STK32C: variants seen among roughly 807,000 people sequenced by gnomAD.
The protein encoded by STK32C is serine/threonine-protein kinase 32C.
STK32C carries 31 observed loss-of-function variants against 56.5 expected under a neutral mutation model. The ratio of observed to expected loss-of-function variants is 0.55; its 90% CI spans 0.41 to 0.74. STK32C has a LOEUF of 0.74. Ranked by LOEUF, STK32C falls within the 30% of genes least tolerant of loss-of-function variation. STK32C has a pLI of 0.00. For synonymous variants in STK32C, 309 were observed against 289.4 expected (o/e 1.07, Z -0.69); for missense variants, 544 against 676.9 (o/e 0.80, Z 2.18).
At chr10:132,212,897 A>T (rs1051994532) in intron 10 of STK32C, among the ~76,000 whole-genome samples, 5 of 152,220 alleles carry the variant, frequency 3.3e-5, no homozygotes, top group Admixed American at 3.3e-4. Flanking sequence ...CAGGTGAGCA[A>T]AGTCACAGCT....
chr10:132,304,947 G>A (rs1023905402), intron 1 of STK32C, among the ~76,000 whole-genome samples: 3 of 152,214 alleles, frequency 2.0e-5, no homozygotes, highest in South Asian at 2.1e-4. Context: ...ACCCCGAGAC[G>A]GGCGAGCGCC....
chr10:132,233,807 T>C (rs369002900), intron 2 of STK32C, among the ~76,000 whole-genome samples: 67 of 152,334 alleles, frequency 4.4e-4, no homozygotes, highest in African/African-American at 1.3e-3. Context: ...CTAAAGCCCT[T>C]GTTTAGTCAG....
intron 10 of STK32C, chr10:132,209,477 A>C: frequency 2.5e-6 from 1 of 398,564 alleles, no homozygotes; most frequent in Non-Finnish European, 4.9e-6. Flanking sequence ...CAGCACACAC[A>C]CACCTGTCCC....
chr10:132,252,832 G>C (rs1590273795), intron 1 of STK32C, among the ~76,000 whole-genome samples: 1 of 152,328 alleles, frequency 6.6e-6, no homozygotes, highest in East Asian at 1.9e-4. Flanking sequence ...GGTCCTATGA[G>C]AGTCGCCATC....
chr10:132,212,918 G>A (rs1263669050), intron 10 of STK32C, among the ~76,000 whole-genome samples: 1 of 152,270 alleles, frequency 6.6e-6, no homozygotes, highest in Non-Finnish European at 1.5e-5. Context: ...GAGACCTGCT[G>A]GCCTGGAGCA....
chr10:132,241,103 G>A (rs561856229), intron 2 of STK32C, among the ~76,000 whole-genome samples: 1 of 152,276 alleles, frequency 6.6e-6, no homozygotes, highest in Admixed American at 6.5e-5. Context: ...GTTAAGTGAG[G>A]GCCTGGCTGT....
intron 2 of STK32C, among the ~76,000 whole-genome samples, chr10:132,242,663 G>A (rs754383225): frequency 1.3e-5 from 2 of 151,794 alleles, no homozygotes; most frequent in East Asian, 1.9e-4. Context: ...GGCCCCCCGC[G>A]CCCCCTTCTC....
intron 1 of STK32C, among the ~76,000 whole-genome samples, chr10:132,279,700 G>A (rs374814548): frequency 1.5e-4 from 22 of 149,256 alleles, no homozygotes; most frequent in Admixed American, 7.3e-4. Context: ...ACTCCACTCC[G>A]TGATCACGAC....
chr10:132,271,789 T>C lies in STK32C; in HGVS notation c.263-25834A>G, dbSNP rs554622613. Among the ~76,000 whole-genome samples, 206 of 152,222 alleles carry C rather than the reference T, an allele frequency of 1.4e-3. 1 individual carries two copies. The highest frequency in any genetic ancestry group is 4.5e-3 in the African/African-American group (187 of 41,558). ...ACACCTACAGAACAAAATTTCCAGG[T>C]GTGGGTGGGGATCTGGAGTCTGAGT... On this transcript the variant is annotated intron_variant, in intron 1 of 11. Coordinates refer to ENST00000298630, the MANE Select transcript of STK32C (RefSeq NM_173575.4).
At chr10:132,234,588 G>A (rs1415177998) in intron 2 of STK32C, among the ~76,000 whole-genome samples, 1 of 152,230 alleles carries the variant, frequency 6.6e-6, no homozygotes, top group Non-Finnish European at 1.5e-5. Context: ...CCTGTGCTCT[G>A]TATGGCCCCT....
intron 1 of STK32C, among the ~76,000 whole-genome samples, chr10:132,302,332 C>T (rs927339703): frequency 4.6e-5 from 7 of 152,360 alleles, no homozygotes; most frequent in East Asian, 1.9e-4. Flanking sequence ...TGGATAGACA[C>T]GCAGAGCTGA....
At chr10:132,229,505 T>C (rs2063019890) in intron 2 of STK32C, among the ~76,000 whole-genome samples, 1 of 152,168 alleles carries the variant, frequency 6.6e-6, no homozygotes, top group Non-Finnish European at 1.5e-5. Context: ...CTAAAAAAAT[T>C]AAGTCAGATG....
chr10:132,329,219 A>T (rs1281103673), intron 1 of STK32C, among the ~76,000 whole-genome samples: 1 of 152,246 alleles, frequency 6.6e-6, no homozygotes, highest in Non-Finnish European at 1.5e-5. Flanking sequence ...GTTCGAGACC[A>T]GCCTGGGCAA....
upstream of STK32C, among the ~76,000 whole-genome samples, chr10:132,312,684 A>G (rs957289751): frequency 5.9e-5 from 9 of 152,242 alleles, no homozygotes; most frequent in Non-Finnish European, 1.2e-4. Flanking sequence ...AATTAAAACC[A>G]TAAGCCCCCA....
rs1344241587 is a variant in STK32C at position 132,249,192 on chromosome 10, AG to A, written c.263-3238del. ...GGGGCTATGGGGGTCAGGGCGTGTC[AG>A]GGGCGGGGCCGTGGGGTTGCGGGAG... On this transcript the variant is annotated intron_variant, in intron 1 of 11. Coordinates refer to ENST00000298630, the MANE Select transcript of STK32C (RefSeq NM_173575.4). 23 of 80,950 alleles carry A rather than the reference AG, an allele frequency of 2.8e-4. No homozygotes were observed. In the East Asian group the frequency reaches 0.01, roughly 37 times the overall value. The allele number at this position is 80,950 out of a possible 1,614,324, so 5.0% of individuals were successfully genotyped here.
intron 1 of STK32C, among the ~76,000 whole-genome samples, chr10:132,301,402 C>G (rs574122919): frequency 6.6e-6 from 1 of 152,376 alleles, no homozygotes; most frequent in African/African-American, 2.4e-5. Flanking sequence ...GTCTGGGAAG[C>G]TGCTCTGAGT....
At position 132,269,857 on chromosome 10, in the gene STK32C, G is replaced by A. The variant is rs118119876; in HGVS notation, c.263-23902C>T. Among the ~76,000 whole-genome samples the A allele has an allele frequency of 1.9e-4, 29 of 152,344 alleles. 1 individual carries two copies. The East Asian group carries it at 5.6e-3, about 29-fold the overall frequency. On this transcript the variant is annotated intron_variant, in intron 1 of 11. Coordinates refer to ENST00000298630, the MANE Select transcript of STK32C (RefSeq NM_173575.4). ...TGTTGGGAGGAGGCGTTCAGTGAGA[G>A]TCCCTAGCCTGCCACGGCCATAATA...
chr10:132,238,062 CCT>C (rs368690417), intron 2 of STK32C, among the ~76,000 whole-genome samples: 56 of 152,172 alleles, frequency 3.7e-4, no homozygotes, highest in African/African-American at 1.3e-3. Context: ...AAGCTGGGCC[CCT>C]CAGTGTGGCA....
chr10:132,265,756 C>A (rs536574222), intron 1 of STK32C, among the ~76,000 whole-genome samples: 2,411 of 152,270 alleles, frequency 0.016, 72 homozygotes, highest in African/African-American at 0.053. Flanking sequence ...GGCCAATGAG[C>A]ACAGGAGAGA....
Sources: gnomAD v4.1 joint callset for allele counts (sites outside exome capture counted in the v4.1 genomes callset) on GRCh38, gnomAD v4.1.1 for gene constraint, MANE v1.5 for transcripts, NCBI Gene and HGNC (gene_info 2026-07-23, HGNC 2026-07-21) for gene names.